The following SEPTIN2 variants were observed in gnomAD, a reference collection of about 807,000 sequenced individuals.
The protein encoded by SEPTIN2 is septin 2, also known as septin-2.
A neutral mutation model predicts 46.5 loss-of-function variants in SEPTIN2; 34 were observed. The observed-to-expected ratio is 0.73, with a 90% CI of 0.56 to 0.97. The LOEUF is 0.97. SEPTIN2 is among the 50% of genes least tolerant of loss of function. The probability of loss-of-function intolerance (pLI) is 0.00; values close to 1 mark genes in which losing one functional copy is unlikely to be tolerated. For synonymous variants in SEPTIN2, 175 were observed against 153.4 expected (o/e 1.14, Z -1.04); for missense variants, 347 against 448.4 (o/e 0.77, Z 2.04).
At chr2:241,321,380 T>C in intron 1 of SEPTIN2, among the ~76,000 whole-genome samples, 1 of 152,236 alleles carries the variant, frequency 6.6e-6, no homozygotes, top group East Asian at 1.9e-4. Context: ...ATTGTTTCTT[T>C]TATCATTATA....
At chr2:241,338,954 TAA>T (rs1322927051) in intron 7 of SEPTIN2, among the ~76,000 whole-genome samples, 1 of 99,650 alleles carries the variant, frequency 1.0e-5, no homozygotes, top group African/African-American at 3.9e-5. Flanking sequence ...ATTATATATA[TAA>T]TATATATTAT....
Position 241,343,848 on chromosome 2 carries a change from G to A in SEPTIN2, c.793G>A (p.Val265Met), listed in dbSNP as rs769427225. ...GRLYPWGVVE[V>M]ENPEHNDFLK... The stretch of plus-strand genomic sequence containing the variant: ...CCTCTACCCCTGGGGTGTTGTGGAA[G>A]TGGAGAACCCAGAGCACAATGACTT... Residue 265 changes from valine (V) to methionine (M), a missense_variant, in exon 9 of 13, where the codon GTG becomes ATG. Transcript: ENST00000391971. 6 of 1,614,226 alleles carry A rather than the reference G, an allele frequency of 3.7e-6. No homozygotes were observed. Among genetic ancestry groups the A allele is most frequent in the Non-Finnish European group, 5.1e-6 (6 of 1,180,034 alleles).
chr2:241,322,053 A>G (rs1045723124), intron 1 of SEPTIN2, among the ~76,000 whole-genome samples: 2 of 152,192 alleles, frequency 1.3e-5, no homozygotes, highest in African/African-American at 4.8e-5. Context: ...AACACTGGGG[A>G]TGCAGGGATC....
intron 3 of SEPTIN2, among the ~76,000 whole-genome samples, chr2:241,326,358 G>T (rs1053632059): frequency 1.2e-4 from 19 of 152,150 alleles, no homozygotes; most frequent in African/African-American, 4.6e-4. Context: ...CTCCAAAATG[G>T]CCCCCAGTGA....
chr2:241,325,691 G>T (rs1325824649), intron 2 of SEPTIN2, among the ~76,000 whole-genome samples: 1 of 152,040 alleles, frequency 6.6e-6, no homozygotes, highest in Non-Finnish European at 1.5e-5. Context: ...ATTGCATTAA[G>T]ATGTATTAAG....
At chr2:241,339,081 A>G (rs1052080172) in intron 7 of SEPTIN2, among the ~76,000 whole-genome samples, 2 of 136,880 alleles carry the variant, frequency 1.5e-5, no homozygotes, top group African/African-American at 2.7e-5. Flanking sequence ...AATATAATAT[A>G]CATATATTTT....
chr2:241,337,466 T>A lies in SEPTIN2; in HGVS notation c.426T>A (p.Ile142=), dbSNP rs1218038208. The A allele has an allele frequency of 1.9e-6, 3 of 1,613,992 alleles. No homozygotes were observed. Among genetic ancestry groups the A allele is most frequent in the Admixed American group, 3.3e-5 (2 of 60,004 alleles). Reference sequence around the variant, plus strand: ...GCGGCTTGAACAGGCGGCACATCATTGATAATAGGGTGCATTGTTGCTTTT... The same window carrying A: ...GCGGCTTGAACAGGCGGCACATCATAGATAATAGGGTGCATTGTTGCTTTT... The part of the protein sequence containing the change: ...DESGLNRRHI[I]DNRVHCCFYF... Residue 142 remains isoleucine, a synonymous_variant, in exon 6 of 13, where the codon ATT becomes ATA. Transcript: ENST00000391971.
rs114799770 is a variant in SEPTIN2 at position 241,324,121 on chromosome 2, T to G, written c.-17-95T>G. ...TACATTGCCTATGTATGTGTAAGTC[T>G]TCTTCAGGTCAGTTCACGCTGTTAA... On this transcript the variant is annotated intron_variant, in intron 1 of 12. Coordinates refer to ENST00000391971, the MANE Select transcript of SEPTIN2 (RefSeq NM_004404.5). 4.2e-4 allele frequency: 477 copies of G among 1,149,306 alleles called. 1 individual carries two copies. Among genetic ancestry groups the G allele is most frequent in the Non-Finnish European group, 5.3e-4 (415 of 783,908 alleles). 71.2% of individuals were successfully genotyped at this position (1,149,306 alleles called of 1,614,324 possible).
rs2079125671 is a variant in SEPTIN2 at position 241,332,298 on chromosome 2, G to A, written c.131-2828G>A. ...ATATCTGACAAAGGATATGTGTCCA[G>A]AATATATAAAAATATTGCACAGATC... On this transcript the variant is annotated intron_variant, in intron 3 of 12. Coordinates refer to ENST00000391971, the MANE Select transcript of SEPTIN2 (RefSeq NM_004404.5). Among the ~76,000 whole-genome samples, 2 of 152,204 alleles carry A rather than the reference G, an allele frequency of 1.3e-5. 1 individual carries two copies. The highest frequency in any genetic ancestry group is 4.1e-4 in the South Asian group (2 of 4,830).
At chr2:241,324,657 T>C (rs1248774525) in intron 2 of SEPTIN2, 1 of 277,598 alleles carries the variant, frequency 3.6e-6, no homozygotes, top group African/African-American at 2.3e-5. Context: ...AGTGTTGGGA[T>C]TACAGGTGTG....
chr2:241,334,520 C>T (rs535426528), intron 3 of SEPTIN2, among the ~76,000 whole-genome samples: 243 of 152,166 alleles, frequency 1.6e-3, no homozygotes, highest in Non-Finnish European at 3.1e-3. Flanking sequence ...ACAAAGTGAG[C>T]GGGAAAGTTG....
In SEPTIN2 at chr2:241,352,569, T is replaced by G. The variant is rs1202134384; in HGVS notation, c.*632T>G. The G allele has an allele frequency of 6.5e-6, 1 of 152,680 alleles. No individual in the cohort carries two copies. The highest frequency in any genetic ancestry group is 1.5e-5 in the Non-Finnish European group (1 of 68,050). 9.5% of individuals were successfully genotyped at this position (152,680 alleles called of 1,614,324 possible). A position where few individuals can be genotyped will look rare whatever the true frequency, so the allele number is the denominator to read the frequency against. On this transcript the variant is annotated 3_prime_UTR_variant, in exon 13 of 13. Transcript: ENST00000391971. Reference sequence around the variant, plus strand: ...AGAATTTCCTAATGAGATATATCTTTATACTTAAACAGCTTTTTTAGAGGT... The same window carrying G: ...AGAATTTCCTAATGAGATATATCTTGATACTTAAACAGCTTTTTTAGAGGT...
intron 10 of SEPTIN2, among the ~76,000 whole-genome samples, chr2:241,347,546 C>T (rs929402384): frequency 1.3e-5 from 2 of 152,136 alleles, no homozygotes; most frequent in Admixed American, 6.5e-5. Flanking sequence ...TGACTACATT[C>T]GCATTAATAA....
Position 241,343,007 on chromosome 2 carries a change from G to A in SEPTIN2, c.610G>A (p.Glu204Lys). ...RLKKRILDEI[E>K]EHNIKIYHLP... ...ATTCTCTCAGATTCTGGATGAAATT[G>A]AAGAACATAACATCAAAATCTATCA... Residue 204 changes from glutamate (E) to lysine (K), a missense_variant, in exon 8 of 13, where the codon GAA becomes AAA. Physicochemically the swap from Glu to Lys is moderately conservative, Grantham distance 56 (BLOSUM62 1). Transcript: ENST00000391971. 6.2e-7 allele frequency: 1 copy of A among 1,600,760 alleles called. No individual in the cohort carries two copies. The highest frequency in any genetic ancestry group is 2.2e-5 in the East Asian group (1 of 44,744).
chr2:241,317,660 A>C lies in SEPTIN2; in HGVS notation c.-18+1678A>C, dbSNP rs2076562320. Reference sequence around the variant, plus strand: ...CATACATGCCACTTATCCCTGCCCCAGTCCCTGTTAGGAGTGTTATGTGGG... The same window carrying C: ...CATACATGCCACTTATCCCTGCCCCCGTCCCTGTTAGGAGTGTTATGTGGG... On this transcript the variant is annotated intron_variant, in intron 1 of 12. Transcript: ENST00000391971. The C allele has an allele frequency of 4.9e-6, 3 of 610,950 alleles. No individual in the cohort carries two copies. The South Asian group carries it at 2.2e-4, about 44-fold the overall frequency. The allele number at this position is 610,950 out of a possible 1,614,324, so 37.8% of individuals were successfully genotyped here. A position where few individuals can be genotyped will look rare whatever the true frequency, so the allele number is the denominator to read the frequency against.
chr2:241,343,517 T>TA (rs1466287877), intron 8 of SEPTIN2, among the ~76,000 whole-genome samples: 5 of 152,116 alleles, frequency 3.3e-5, no homozygotes, highest in African/African-American at 1.2e-4. Context: ...AAAAATTTGA[T>TA]ACAGCTATCA....
intron 3 of SEPTIN2, among the ~76,000 whole-genome samples, chr2:241,334,454 C>T (rs1407877112): frequency 6.6e-6 from 1 of 152,208 alleles, no homozygotes; most frequent in Non-Finnish European, 1.5e-5. Context: ...GAGAGATTCT[C>T]ACCTCATTGA....
rs2081452179 is a variant in SEPTIN2 at position 241,342,905 on chromosome 2, A to G, written c.595-87A>G. On this transcript the variant is annotated intron_variant, in intron 7 of 12. Transcript: ENST00000391971. ...GATTATTGACATTTGTATGATTTCCAATATATTTCTTACAAGATGAGCTAG... is the reference window on the plus strand; with the variant it reads ...GATTATTGACATTTGTATGATTTCCGATATATTTCTTACAAGATGAGCTAG... 4.1e-5 allele frequency: 28 copies of G among 688,568 alleles called. No individual in the cohort carries two copies. The Middle Eastern group carries it at 2.1e-3, about 51-fold the overall frequency. 42.7% of individuals were successfully genotyped at this position (688,568 alleles called of 1,614,324 possible). A position where few individuals can be genotyped will look rare whatever the true frequency, so the allele number is the denominator to read the frequency against.
intron 1 of SEPTIN2, chr2:241,317,705 C>T (rs1212878356): frequency 4.1e-6 from 1 of 246,334 alleles, no homozygotes; most frequent in Non-Finnish European, 6.5e-6. Context: ...CGTGGACCTT[C>T]CCCGAATCCA....
Sources: gnomAD v4.1 joint callset for allele counts (sites outside exome capture counted in the v4.1 genomes callset) on GRCh38, gnomAD v4.1.1 for gene constraint, MANE v1.5 for transcripts, NCBI Gene and HGNC (gene_info 2026-07-23, HGNC 2026-07-21) for gene names.